Variants in RBM24 observed in about 807,000 individuals in gnomAD.
RBM24 encodes RNA binding motif protein 24.
Under a neutral mutation model 23.6 loss-of-function variants are expected in RBM24, and 5 were observed. The observed-to-expected ratio is 0.21, with a 90% CI of 0.11 to 0.45. The LOEUF is 0.45. RBM24 is among the 20% of genes least tolerant of loss of function. The pLI, the probability that RBM24 is intolerant of heterozygous loss-of-function variation, is 0.99. For missense variants in RBM24, 252 were observed against 314.6 expected, an observed-to-expected ratio of 0.80 and a Z score of 1.51; for synonymous variants, 151 against 129.5, an observed-to-expected ratio of 1.17 and a Z score of -1.13.
At position 17,281,650 on chromosome 6, in the gene RBM24, C is replaced by T; in HGVS notation, c.69C>T (p.Thr23=). The T allele has an allele frequency of 6.5e-7, 1 of 1,550,056 alleles. No individual in the cohort carries two copies. The highest frequency in any genetic ancestry group is 8.7e-7 in the Non-Finnish European group (1 of 1,146,596). ...TCGGGGGGCTGCCCTACCACACCACCGACGCCAGCCTGCGCAAGTACTTCG... is the reference window on the plus strand; with the variant it reads ...TCGGGGGGCTGCCCTACCACACCACTGACGCCAGCCTGCGCAAGTACTTCG... ...IFVGGLPYHT[T]DASLRKYFEV... Residue 23 remains threonine (T), a synonymous_variant, in exon 1 of 4, where the codon ACC becomes ACT. Transcript: ENST00000379052. The surrounding 1 kb of genome is among the most constrained non-coding windows in gnomAD (Gnocchi z 7.1).
intron 1 of RBM24, chr6:17,282,330 G>A: frequency 9.5e-7 from 1 of 1,051,394 alleles, no homozygotes; most frequent in Non-Finnish European, 1.3e-6. Context: ...GAAGAGCAGG[G>A]AGCCCCAGAG....
In RBM24 at chr6:17,289,929, A is replaced by G; in HGVS notation, c.348-1827A>G. The G allele has an allele frequency of 4.7e-6, 6 of 1,282,558 alleles. No individual in the cohort carries two copies. The South Asian group carries it at 7.5e-5, about 16-fold the overall frequency. The allele number at this position is 1,282,558 out of a possible 1,614,324, so 79.4% of individuals were successfully genotyped here. ...ACCTGTTGTTGCGAGTGAGCCAGTC[A>G]CCTGACCTGCAGCAAAGTTCTGAGT... On this transcript the variant is annotated intron_variant, in intron 3 of 3. Coordinates refer to ENST00000379052, the MANE Select transcript of RBM24 (RefSeq NM_001143942.2).
intron 3 of RBM24, chr6:17,289,791 G>A: frequency 9.4e-7 from 1 of 1,059,504 alleles, no homozygotes; most frequent in Non-Finnish European, 1.1e-6. Flanking sequence ...TAGCCCGGCT[G>A]CAGCCCCTGC....
chr6:17,282,811 A>C lies in RBM24; in HGVS notation c.175A>C (p.Met59Leu), dbSNP rs149081325. ...GTGTGTGTCTGTTGCTAAGGTCACC[A>C]TGGCTGACCGGGCTGCTGCCGAAAG... ...GKSRGYGFVT[M>L]ADRAAAERAC... The change falls in exon 2 of 4, where the codon ATG becomes CTG. Residue 59 changes from methionine (M) to leucine (L), a missense_variant. Coordinates refer to ENST00000379052, the MANE Select transcript of RBM24 (RefSeq NM_001143942.2). 1.4e-5 allele frequency: 22 copies of C among 1,613,796 alleles called. No homozygotes were observed. Among genetic ancestry groups the C allele is most frequent in the Non-Finnish European group, 1.8e-5 (21 of 1,179,824 alleles).
At chr6:17,289,104 T>C (rs1295919223) in intron 3 of RBM24, 10 of 985,340 alleles carry the variant, frequency 1.0e-5, no homozygotes, top group Middle Eastern at 5.2e-4. Context: ...TTCTTTGCAC[T>C]TGTGCTTTTT....
At chr6:17,289,008 G>A in intron 3 of RBM24, 1 of 985,420 alleles carries the variant, frequency 1.0e-6, no homozygotes, top group Non-Finnish European at 1.2e-6. Context: ...TGCTTTAAAA[G>A]TCACATAGAG....
chr6:17,288,123 CT>C (rs1340803613), intron 3 of RBM24: 1 of 395,112 alleles, frequency 2.5e-6, no homozygotes, highest in African/African-American at 2.2e-5. Flanking sequence ...TAACTTCCCC[CT>C]GATCACAGGA....
rs1760424267 is a variant in RBM24 at position 17,293,252 on chromosome 6, C to T, written c.*1133C>T. 1 of 152,552 alleles carries T rather than the reference C, an allele frequency of 6.6e-6. No individual in the cohort carries two copies. The highest frequency in any genetic ancestry group is 1.5e-5 in the Non-Finnish European group (1 of 68,014). 9.4% of individuals were successfully genotyped at this position (152,552 alleles called of 1,614,324 possible). A position where few individuals can be genotyped will look rare whatever the true frequency, so the allele number is the denominator to read the frequency against. On this transcript the variant is annotated 3_prime_UTR_variant, in exon 4 of 4. Coordinates refer to ENST00000379052, the MANE Select transcript of RBM24 (RefSeq NM_001143942.2). ...TTTATTTTTAAGTTTTACTATGCTG[C>T]ACTCTAAAGAAAGGAACTTTAGATG...
At position 17,281,590 on chromosome 6, in the gene RBM24, G is replaced by A; in HGVS notation, c.9G>A (p.Thr3=). 6.6e-7 allele frequency: 1 copy of A among 1,519,004 alleles called. No individual in the cohort carries two copies. Among genetic ancestry groups the A allele is most frequent in the Admixed American group, 2.1e-5 (1 of 47,150 alleles). 94.1% of individuals were successfully genotyped at this position (1,519,004 alleles called of 1,614,324 possible). MH[T]TQKDTTYTKI... ...GCGGGGCGGGTGCGAAGATGCACAC[G>A]ACCCAGAAGGACACGACGTACACCA... Residue 3 remains threonine, a synonymous_variant, in exon 1 of 4, where the codon ACG becomes ACA. Transcript: ENST00000379052. This position sits in a 1 kb window ranked among gnomAD's most constrained non-coding sequence, Gnocchi z 7.1.
At chr6:17,282,957 C>G (rs755689634) in intron 2 of RBM24, 29 bp downstream of exon 2, 1 of 1,532,224 alleles carries the variant, frequency 6.5e-7, no homozygotes, top group African/African-American at 1.4e-5. Flanking sequence ...CCCTACCCCC[C>G]TCTCCAAGAA....
intron 3 of RBM24, among the ~76,000 whole-genome samples, chr6:17,286,951 A>T (rs760058602): frequency 6.6e-6 from 1 of 152,256 alleles, no homozygotes; most frequent in Non-Finnish European, 1.5e-5. Flanking sequence ...AAGATGTGTC[A>T]TGGAAATTTG....
rs575096916 is a variant in RBM24 at position 17,288,761 on chromosome 6, A to C, written c.348-2995A>C. Reference sequence around the variant, plus strand: ...CAGGAAACATAAAGGAGCCCAGTTGACCTGGGTTTGAGGAAAGGTGGAAGG... The same window carrying C: ...CAGGAAACATAAAGGAGCCCAGTTGCCCTGGGTTTGAGGAAAGGTGGAAGG... On this transcript the variant is annotated intron_variant, in intron 3 of 3. Coordinates refer to ENST00000379052, the MANE Select transcript of RBM24 (RefSeq NM_001143942.2). 82 of 982,844 alleles carry C rather than the reference A, an allele frequency of 8.3e-5. No individual in the cohort carries two copies. In the African/African-American group the frequency reaches 1.4e-3, roughly 17 times the overall value. 60.9% of individuals were successfully genotyped at this position (982,844 alleles called of 1,614,324 possible).
chr6:17,283,039 A>T (rs1760077893), intron 2 of RBM24, 111 bp downstream of exon 2: 2 of 732,454 alleles, frequency 2.7e-6, no homozygotes, highest in South Asian at 3.7e-5. Context: ...TGTTTAGTAA[A>T]CTTGAACCAT....
At chr6:17,289,231 T>A in intron 3 of RBM24, 1 of 985,442 alleles carries the variant, frequency 1.0e-6, no homozygotes, top group Non-Finnish European at 1.2e-6. Flanking sequence ...GAACTCCTAA[T>A]TCAGGATTTC....
At chr6:17,286,793 AGAG>A (rs763855174) in intron 3 of RBM24, among the ~76,000 whole-genome samples, 95 of 152,294 alleles carry the variant, frequency 6.2e-4, no homozygotes, top group Non-Finnish European at 1.2e-3. Context: ...GCAGAGGCAT[AGAG>A]GAGAAGACTC....
chr6:17,281,528 C>A lies in RBM24; in HGVS notation c.-54C>A. On this transcript the variant is annotated 5_prime_UTR_variant, in exon 1 of 4. Coordinates refer to ENST00000379052, the MANE Select transcript of RBM24 (RefSeq NM_001143942.2). This position sits in a 1 kb window ranked among gnomAD's most constrained non-coding sequence, Gnocchi z 7.1. ...GCGGAGCCGGAGGAGGAGGCGCAGC[C>A]GCTGCCCGAGCCGCAGCCGCAGCCG... 1 of 1,440,516 alleles carries A rather than the reference C, an allele frequency of 6.9e-7. No homozygotes were observed. Among genetic ancestry groups the A allele is most frequent in the Admixed American group, 2.9e-5 (1 of 34,582 alleles). 89.2% of individuals were successfully genotyped at this position (1,440,516 alleles called of 1,614,324 possible). A position where few individuals can be genotyped will look rare whatever the true frequency, so the allele number is the denominator to read the frequency against.
intron 3 of RBM24, among the ~76,000 whole-genome samples, chr6:17,290,495 CT>C (rs1760326291): frequency 2.0e-5 from 3 of 152,106 alleles, no homozygotes; most frequent in Admixed American, 2.0e-4. Context: ...ACCACATTAA[CT>C]TTTAAGTAAC....
intron 1 of RBM24, chr6:17,282,209 T>A (rs968560252): frequency 8.2e-5 from 106 of 1,289,796 alleles, no homozygotes; most frequent in Non-Finnish European, 1.0e-4. Context: ...CCCCGCCTTT[T>A]AACTGCAAAG....
At chr6:17,289,322 T>G (rs1760286343) in intron 3 of RBM24, 2 of 985,312 alleles carry the variant, frequency 2.0e-6, no homozygotes, top group Admixed American at 1.2e-4. Flanking sequence ...CCAAGGTCTT[T>G]CGGGTTCTCC....
Sources: gnomAD v4.1 joint callset for allele counts (sites outside exome capture counted in the v4.1 genomes callset) on GRCh38, gnomAD v4.1.1 for gene constraint, Gnocchi (gnomAD v3.1) non-coding constraint, MANE v1.5 for transcripts, NCBI Gene and HGNC (gene_info 2026-07-23, HGNC 2026-07-21) for gene names.